MLEC: variants seen among roughly 807,000 people sequenced by gnomAD.
The protein encoded by MLEC is malectin, also known as oligosaccharyltransferase complex subunit (non-catalytic).
A neutral mutation model predicts 28.7 loss-of-function variants in MLEC; 7 were observed. The ratio of observed to expected loss-of-function variants is 0.24; its 90% CI spans 0.14 to 0.46. MLEC has a LOEUF of 0.46. MLEC is among the 20% of genes least tolerant of loss of function. The pLI is 0.99. For synonymous variants in MLEC, 142 were observed against 164.4 expected, an observed-to-expected ratio of 0.86 and a Z score of 1.04; for missense variants, 237 against 391.1, an observed-to-expected ratio of 0.61 and a Z score of 3.32.
At chr12:120,691,693 G>A (rs141304815) in intron 1 of MLEC, among the ~76,000 whole-genome samples, 1,711 of 152,338 alleles carry the variant, frequency 0.011, 37 homozygotes, top group African/African-American at 0.039. Flanking sequence ...AACTTTGCAC[G>A]TGGCAGATCT....
rs1021389271 is a variant in MLEC, at chr12:120,696,982, T to C, written c.*437T>C. On this transcript the variant is annotated 3_prime_UTR_variant, in exon 5 of 5. Transcript: ENST00000228506. This position sits in a 1 kb window ranked among gnomAD's most constrained non-coding sequence, Gnocchi z 5.4. The stretch of plus-strand genomic sequence containing the variant: ...GGTACGGTCTGAAGTTATGTCTAGA[T>C]AAGACTTCAGACGTCCTGGGATTGA... 6.2e-6 allele frequency: 1 copy of C among 161,504 alleles called. No homozygotes were observed. Among genetic ancestry groups the C allele is most frequent in the African/African-American group, 2.4e-5 (1 of 41,474 alleles). The allele number at this position is 161,504 out of a possible 1,614,324, so 10.0% of individuals were successfully genotyped here. A position where few individuals can be genotyped will look rare whatever the true frequency, so the allele number is the denominator to read the frequency against.
In MLEC at chr12:120,687,909, C is replaced by T. The variant is rs1021071578; in HGVS notation, c.235+378C>T. Among the ~76,000 whole-genome samples, 6 of 152,108 alleles carry T rather than the reference C, an allele frequency of 3.9e-5. No homozygotes were observed. Among genetic ancestry groups the T allele is most frequent in the African/African-American group, 1.2e-4 (5 of 41,400 alleles). On this transcript the variant is annotated intron_variant, in intron 1 of 4. Coordinates refer to ENST00000228506, the MANE Select transcript of MLEC (RefSeq NM_014730.4). This position sits in a 1 kb window ranked among gnomAD's most constrained non-coding sequence, Gnocchi z 8.1. ...GTCGAGACAGTTCTTGGGAGATTCT[C>T]GTCGACCCAGGAATCGGCCGCTTTC...
At position 120,687,486 on chromosome 12, in the gene MLEC, G is replaced by C; in HGVS notation, c.190G>C (p.Gly64Arg). 6.9e-7 allele frequency: 1 copy of C among 1,448,136 alleles called. No individual in the cohort carries two copies. The highest frequency in any genetic ancestry group is 9.1e-7 in the Non-Finnish European group (1 of 1,100,232). 89.7% of individuals were successfully genotyped at this position (1,448,136 alleles called of 1,614,324 possible). A position where few individuals can be genotyped will look rare whatever the true frequency, so the allele number is the denominator to read the frequency against. ...TGGAGAGGCGCATGTGGACGTGCAC[G>C]GGATCCACTTCCGCAAGGACCCTTT... Reference protein sequence around the residue: ...AGGEAHVDVHGIHFRKDPLEG... With the variant: ...AGGEAHVDVHRIHFRKDPLEG... Residue 64 changes from glycine to arginine, a missense_variant, in exon 1 of 5, where the codon GGG (glycine) becomes CGG (arginine). Physicochemically the swap from Gly to Arg is moderately radical, Grantham distance 125. Coordinates refer to ENST00000228506, the MANE Select transcript of MLEC (RefSeq NM_014730.4). The surrounding 1 kb of genome is among the most constrained non-coding windows in gnomAD (Gnocchi z 8.1).
rs1218986659 is a variant in MLEC, at chr12:120,698,913, T to C, written c.*2368T>C. ...AAAGGAAGGAACATCTTTCTATGGC[T>C]AACAAAAACTAAAGGGGAAGTGAGG... On this transcript the variant is annotated 3_prime_UTR_variant, in exon 5 of 5. Transcript: ENST00000228506. 1 of 152,580 alleles carries C rather than the reference T, an allele frequency of 6.6e-6. No homozygotes were observed. The highest frequency in any genetic ancestry group is 1.5e-5 in the Non-Finnish European group (1 of 68,042). The allele number at this position is 152,580 out of a possible 1,614,324, so 9.5% of individuals were successfully genotyped here.
intron 1 of MLEC, among the ~76,000 whole-genome samples, chr12:120,692,260 T>C (rs1289263891): frequency 6.6e-6 from 1 of 152,208 alleles, no homozygotes; most frequent in East Asian, 1.9e-4. Context: ...AGATTTGTAA[T>C]GATCACAGTC....
Position 120,694,804 on chromosome 12 carries a change from T to C in MLEC, c.415-20T>C, listed in dbSNP as rs1269294373. 1 of 1,593,682 alleles carries C rather than the reference T, an allele frequency of 6.3e-7. No individual in the cohort carries two copies. Among genetic ancestry groups the C allele is most frequent in the Non-Finnish European group, 8.6e-7 (1 of 1,166,992 alleles). ...TAAAGCTGATGGTTTTGACATTGTT[T>C]TCTTTTCTTATCCTGGAAGGTATTT... is the stretch of plus-strand genomic sequence containing the variant. On this transcript the variant is annotated intron_variant, in intron 2 of 4. Coordinates refer to ENST00000228506, the MANE Select transcript of MLEC (RefSeq NM_014730.4). The surrounding 1 kb of genome is among the most constrained non-coding windows in gnomAD (Gnocchi z 4.5).
intron 1 of MLEC, among the ~76,000 whole-genome samples, chr12:120,692,586 C>T (rs1882081111): frequency 6.6e-6 from 1 of 151,642 alleles, no homozygotes; most frequent in Admixed American, 6.6e-5. Context: ...TTGACCTCAA[C>T]CACTGGGTCT....
chr12:120,695,044 G>C (rs775579785), intron 3 of MLEC, 44 bp downstream of exon 3: 7 of 1,614,056 alleles, frequency 4.3e-6, no homozygotes, highest in Non-Finnish European at 5.9e-6. Flanking sequence ...GTGGGTACAG[G>C]GGAAGTTGTT....
Position 120,687,242 on chromosome 12 carries a change from G to A in MLEC, c.-55G>A, listed in dbSNP as rs1881854805. ...TGTTTTTCTGAGTCCGGGGTGGCCT[G>A]GCAGCCGGCCGAGGACGAGGGTCGG... On this transcript the variant is annotated 5_prime_UTR_variant, in exon 1 of 5. Coordinates refer to ENST00000228506, the MANE Select transcript of MLEC (RefSeq NM_014730.4). This position sits in a 1 kb window ranked among gnomAD's most constrained non-coding sequence, Gnocchi z 8.1. 2.2e-6 allele frequency: 3 copies of A among 1,347,844 alleles called. No homozygotes were observed. The highest frequency in any genetic ancestry group is 6.2e-5 in the East Asian group (2 of 32,222). The allele number at this position is 1,347,844 out of a possible 1,614,324, so 83.5% of individuals were successfully genotyped here.
chr12:120,687,543 C>A lies in MLEC; in HGVS notation c.235+12C>A. 2 of 1,491,394 alleles carry A rather than the reference C, an allele frequency of 1.3e-6. No individual in the cohort carries two copies. The highest frequency in any genetic ancestry group is 1.3e-5 in the South Asian group (1 of 75,542). 92.4% of individuals were successfully genotyped at this position (1,491,394 alleles called of 1,614,324 possible). On this transcript the variant is annotated intron_variant, in intron 1 of 4. Coordinates refer to ENST00000228506, the MANE Select transcript of MLEC (RefSeq NM_014730.4). The surrounding 1 kb of genome is among the most constrained non-coding windows in gnomAD (Gnocchi z 8.1). ...CCGGGTGGGCCGAGGTGAGAGTCCCCCTGCCGAGCCGCGGGATCCAGGGCC... is the reference window on the plus strand; with the variant it reads ...CCGGGTGGGCCGAGGTGAGAGTCCCACTGCCGAGCCGCGGGATCCAGGGCC...
rs535314410 is a variant in MLEC at position 120,699,851 on chromosome 12, G to A, written c.*3306G>A. On this transcript the variant is annotated 3_prime_UTR_variant, in exon 5 of 5. Coordinates refer to ENST00000228506, the MANE Select transcript of MLEC (RefSeq NM_014730.4). ...GCTTTGATGAGAGGGCACAGTTTGAGTTAGGTTTACCTCCCCCTTTCTGTG... is the reference window on the plus strand; with the variant it reads ...GCTTTGATGAGAGGGCACAGTTTGAATTAGGTTTACCTCCCCCTTTCTGTG... 4.5e-4 allele frequency: 69 copies of A among 152,746 alleles called. No homozygotes were observed. Among genetic ancestry groups the A allele is most frequent in the African/African-American group, 1.7e-3 (69 of 41,564 alleles). 9.5% of individuals were successfully genotyped at this position (152,746 alleles called of 1,614,324 possible). A position where few individuals can be genotyped will look rare whatever the true frequency, so the allele number is the denominator to read the frequency against.
At position 120,694,745 on chromosome 12, in the gene MLEC, A is replaced by G. The variant is rs1464689791; in HGVS notation, c.415-79A>G. The G allele has an allele frequency of 1.5e-6, 2 of 1,362,394 alleles. No homozygotes were observed. Among genetic ancestry groups the G allele is most frequent in the Non-Finnish European group, 1.0e-6 (1 of 988,188 alleles). 84.4% of individuals were successfully genotyped at this position (1,362,394 alleles called of 1,614,324 possible). A position where few individuals can be genotyped will look rare whatever the true frequency, so the allele number is the denominator to read the frequency against. On this transcript the variant is annotated intron_variant, in intron 2 of 4. Transcript: ENST00000228506. The surrounding 1 kb of genome is among the most constrained non-coding windows in gnomAD (Gnocchi z 4.5). ...AATTATTTTTGAACTTCAAGCCCAA[A>G]CACGTGCATGATGTCCAACTGCTTG...
intron 1 of MLEC, among the ~76,000 whole-genome samples, chr12:120,691,612 A>G (rs546135531): frequency 6.6e-6 from 1 of 152,362 alleles, no homozygotes; most frequent in East Asian, 1.9e-4. Flanking sequence ...TTTCGCTGTG[A>G]ATGCATAAAG....
chr12:120,696,666 T>C lies in MLEC; in HGVS notation c.*121T>C. The C allele has an allele frequency of 7.0e-7, 1 of 1,431,282 alleles. No individual in the cohort carries two copies. Among genetic ancestry groups the C allele is most frequent in the Non-Finnish European group, 9.5e-7 (1 of 1,058,148 alleles). 88.7% of individuals were successfully genotyped at this position (1,431,282 alleles called of 1,614,324 possible). A position where few individuals can be genotyped will look rare whatever the true frequency, so the allele number is the denominator to read the frequency against. On this transcript the variant is annotated 3_prime_UTR_variant, in exon 5 of 5. Transcript: ENST00000228506. The surrounding 1 kb of genome is among the most constrained non-coding windows in gnomAD (Gnocchi z 5.4). ...AAAAACAAAGAGAAAAAAACACACA[T>C]CAATTAAAGGAGACAAAAAGAGGCA... is the stretch of plus-strand genomic sequence containing the variant.
In MLEC at chr12:120,699,205, C is replaced by T. The variant is rs989934256; in HGVS notation, c.*2660C>T. 1 of 152,488 alleles carries T rather than the reference C, an allele frequency of 6.6e-6. No individual in the cohort carries two copies. The highest frequency in any genetic ancestry group is 6.6e-5 in the Admixed American group (1 of 15,256). The allele number at this position is 152,488 out of a possible 1,614,324, so 9.4% of individuals were successfully genotyped here. A position where few individuals can be genotyped will look rare whatever the true frequency, so the allele number is the denominator to read the frequency against. ...CCTTTTGCTTTTTGCACTGTTTGTTCTCTTATCTGTATTTTGAGCTTAGTG... is the reference window on the plus strand; with the variant it reads ...CCTTTTGCTTTTTGCACTGTTTGTTTTCTTATCTGTATTTTGAGCTTAGTG... On this transcript the variant is annotated 3_prime_UTR_variant, in exon 5 of 5. Transcript: ENST00000228506.
Position 120,694,359 on chromosome 12 carries a change from C to T in MLEC, c.414+90C>T. On this transcript the variant is annotated intron_variant, in intron 2 of 4. Transcript: ENST00000228506. The surrounding 1 kb of genome is among the most constrained non-coding windows in gnomAD (Gnocchi z 4.5). Reference sequence around the variant, plus strand: ...ATGGGGCTAGAGAGTGTGAGAGTCTCTCCAGAAAGGCAGAACAGATGAGCT... The same window carrying T: ...ATGGGGCTAGAGAGTGTGAGAGTCTTTCCAGAAAGGCAGAACAGATGAGCT... 1.5e-6 allele frequency: 2 copies of T among 1,370,246 alleles called. No individual in the cohort carries two copies. The highest frequency in any genetic ancestry group is 1.3e-5 in the South Asian group (1 of 75,522). The allele number at this position is 1,370,246 out of a possible 1,614,324, so 84.9% of individuals were successfully genotyped here.
At chr12:120,692,867 T>C (rs1882091404) in intron 1 of MLEC, among the ~76,000 whole-genome samples, 1 of 152,098 alleles carries the variant, frequency 6.6e-6, no homozygotes, top group Non-Finnish European at 1.5e-5. Context: ...GTCAGGCTAC[T>C]CTCTGGAGGA....
At chr12:120,695,530 G>A (rs181879471) in intron 4 of MLEC, among the ~76,000 whole-genome samples, 6 of 152,316 alleles carry the variant, frequency 3.9e-5, no homozygotes, top group Middle Eastern at 3.4e-3. Context: ...GGTAAAAGGA[G>A]GAGTCCTGTA....
At chr12:120,691,642 C>G (rs1882041209) in intron 1 of MLEC, among the ~76,000 whole-genome samples, 1 of 152,226 alleles carries the variant, frequency 6.6e-6, no homozygotes, top group African/African-American at 2.4e-5. Context: ...GGAGGAACAA[C>G]CCTTGTTTGC....
Sources: gnomAD v4.1 joint callset for allele counts (sites outside exome capture counted in the v4.1 genomes callset) on GRCh38, gnomAD v4.1.1 for gene constraint, Gnocchi (gnomAD v3.1) non-coding constraint, MANE v1.5 for transcripts, NCBI Gene and HGNC (gene_info 2026-07-23, HGNC 2026-07-21) for gene names.